GAB3: variants seen among roughly 807,000 people sequenced by gnomAD.
The protein encoded by GAB3 is GRB2 associated binding protein 3.
GAB3 carries 12 observed loss-of-function variants against 40.4 expected under a neutral mutation model. That is an observed-to-expected ratio of 0.30 (90% CI 0.19 to 0.48). The LOEUF (loss-of-function observed/expected upper bound fraction) is 0.48, where lower values mean the gene tolerates loss of function less well. Ranked by LOEUF, GAB3 falls within the 20% of genes least tolerant of loss-of-function variation. The pLI, the probability that GAB3 is intolerant of heterozygous loss-of-function variation, is 0.99. For missense variants in GAB3, 381 were observed against 461.9 expected (o/e 0.82, Z 1.61); for synonymous variants, 154 against 176.7 (o/e 0.87, Z 1.02).
intron 5 of GAB3, 80 bp downstream of exon 5, chrX:154,699,924 A>T: frequency 1.2e-6 from 1 of 819,626 alleles, no homozygotes; most frequent in Non-Finnish European, 1.8e-6. Context: ...GCTGAATCTT[A>T]AAGATTTCAA....
intron 8 of GAB3, among the ~76,000 whole-genome samples, chrX:154,694,702 C>G (rs180858635): frequency 1.8e-5 from 2 of 112,487 alleles, no homozygotes; most frequent in Non-Finnish European, 1.9e-5. Context: ...CAACACTGAT[C>G]TTTCTCACAA....
intron 1 of GAB3, among the ~76,000 whole-genome samples, chrX:154,732,830 C>T (rs1374548991): frequency 1.8e-5 from 2 of 110,952 alleles, no homozygotes; most frequent in Non-Finnish European, 3.8e-5. Context: ...AAAACCACCT[C>T]CGAGCCCCCG....
intron 1 of GAB3, among the ~76,000 whole-genome samples, chrX:154,717,416 T>C (rs782564340): frequency 1.8e-5 from 2 of 111,445 alleles, no homozygotes; most frequent in African/African-American, 3.3e-5. Context: ...CCTAAAGCTA[T>C]CAGTGCCCCT....
chrX:154,716,842 T>C (rs782061427), intron 1 of GAB3, among the ~76,000 whole-genome samples: 93 of 111,801 alleles, frequency 8.3e-4, no homozygotes, highest in Middle Eastern at 4.6e-3. Context: ...GGAGAGAAGA[T>C]TGCCAGTGTC....
chrX:154,708,702 C>G (rs1326541597), intron 4 of GAB3, among the ~76,000 whole-genome samples: 5 of 111,694 alleles, frequency 4.5e-5, no homozygotes, highest in Non-Finnish European at 7.5e-5. Context: ...TCAAAAAAGA[C>G]AAGAAATACA....
intron 8 of GAB3, among the ~76,000 whole-genome samples, chrX:154,689,215 G>A (rs1272567372): frequency 4.5e-5 from 5 of 111,015 alleles, no homozygotes; most frequent in Non-Finnish European, 1.9e-5. Flanking sequence ...AAATTCAACA[G>A]CCCTTCATGC....
At chrX:154,739,771 T>A in intron 1 of GAB3, among the ~76,000 whole-genome samples, 1 of 112,270 alleles carries the variant, frequency 8.9e-6, no homozygotes, top group Admixed American at 9.4e-5. Context: ...GCATTACCTA[T>A]TTGGTAGCAA....
At position 154,678,158 on chromosome X, in the gene GAB3, A is replaced by G; in HGVS notation, c.*20T>C. On this transcript the variant is annotated 3_prime_UTR_variant, in exon 10 of 10. Transcript: ENST00000424127. Reference sequence around the variant, plus strand: ...AGCCCCAAGCTTCCCTGTTTCACACATGGCACAAGCCCGCACCTCTCATAC... The same window carrying G: ...AGCCCCAAGCTTCCCTGTTTCACACGTGGCACAAGCCCGCACCTCTCATAC... The G allele has an allele frequency of 1.1e-6, 1 of 904,402 alleles. No individual in the cohort carries two copies. Among genetic ancestry groups the G allele is most frequent in the Non-Finnish European group, 1.6e-6 (1 of 638,817 alleles). 74.5% of individuals were successfully genotyped at this position (904,402 alleles called of 1,213,427 possible).
Position 154,695,908 on chromosome X carries a change from T to C in GAB3, c.1530+9A>G, listed in dbSNP as rs900194387. On this transcript the variant is annotated intron_variant, in intron 8 of 9. Transcript: ENST00000424127. ...AAGGATAAGAAGAGTGTGAAAAATATAAGATTACCATTTCGATGTAGCTTT... is the reference window on the plus strand; with the variant it reads ...AAGGATAAGAAGAGTGTGAAAAATACAAGATTACCATTTCGATGTAGCTTT... 5.5e-6 allele frequency: 6 copies of C among 1,094,373 alleles called. No individual in the cohort carries two copies. The highest frequency in any genetic ancestry group is 2.2e-5 in the Admixed American group (1 of 45,492). 90.2% of individuals were successfully genotyped at this position (1,094,373 alleles called of 1,213,427 possible).
chrX:154,721,734 T>C (rs1557258751), intron 1 of GAB3, among the ~76,000 whole-genome samples: 1 of 112,380 alleles, frequency 8.9e-6, no homozygotes, highest in African/African-American at 3.2e-5. Flanking sequence ...TTCATCAGAA[T>C]GGCAATTATC....
intron 4 of GAB3, among the ~76,000 whole-genome samples, chrX:154,708,163 A>G (rs1233008932): frequency 8.9e-6 from 1 of 111,990 alleles, no homozygotes; most frequent in Admixed American, 9.5e-5. Context: ...GGAAAACTGG[A>G]TATCCACACG....
At chrX:154,745,656 TA>T (rs372833913) in intron 1 of GAB3, among the ~76,000 whole-genome samples, 3 of 112,089 alleles carry the variant, frequency 2.7e-5, no homozygotes, top group African/African-American at 9.7e-5. Context: ...TTTCTGCCAA[TA>T]AATTCAAGAA....
rs782307239 is a variant in GAB3, at chrX:154,678,395, CCT to C, written c.1648-103_1648-102del. 36 of 510,661 alleles carry C rather than the reference CCT, an allele frequency of 7.0e-5. No individual in the cohort carries two copies. In the East Asian group the frequency reaches 1.2e-3, roughly 17 times the overall value. The allele number at this position is 510,661 out of a possible 1,213,427, so 42.1% of individuals were successfully genotyped here. A position where few individuals can be genotyped will look rare whatever the true frequency, so the allele number is the denominator to read the frequency against. ...AATTGTTAAATATTTGTTGCCCTTT[CCT>C]CTGTGTGGAAACTTTGTACTTTGTA... On this transcript the variant is annotated intron_variant, in intron 9 of 9. Coordinates refer to ENST00000424127, the MANE Select transcript of GAB3 (RefSeq NM_001081573.3).
At chrX:154,722,722 A>G (rs1407948096) in intron 1 of GAB3, among the ~76,000 whole-genome samples, 1 of 112,216 alleles carries the variant, frequency 8.9e-6, no homozygotes. Flanking sequence ...AAAAATGCAA[A>G]GAAGATATTT....
intron 1 of GAB3, among the ~76,000 whole-genome samples, chrX:154,722,917 C>T (rs368611147): frequency 5.2e-4 from 58 of 110,806 alleles, no homozygotes; most frequent in Non-Finnish European, 7.6e-5. Context: ...TTGCTCTTGT[C>T]GCCCAGGCTG....
intron 1 of GAB3, among the ~76,000 whole-genome samples, chrX:154,736,297 G>A (rs1475683401): frequency 2.7e-5 from 3 of 112,245 alleles, no homozygotes; most frequent in South Asian, 3.6e-4. Flanking sequence ...GATTAGGAGC[G>A]AATGAGAAAT....
chrX:154,677,731 C>T lies in GAB3; in HGVS notation c.*447G>A, dbSNP rs2070314664. The T allele has an allele frequency of 6.4e-6, 1 of 156,385 alleles. No homozygotes were observed. The highest frequency in any genetic ancestry group is 8.4e-5 in the Admixed American group (1 of 11,888). 12.9% of individuals were successfully genotyped at this position (156,385 alleles called of 1,213,427 possible). On this transcript the variant is annotated 3_prime_UTR_variant, in exon 10 of 10. Transcript: ENST00000424127. ...CTGCTGAAGTCTGTGGAGTAAGATT[C>T]TGCCACCATTGCTGGGCTTGATCTC...
chrX:154,702,434 C>A (rs983807473), intron 4 of GAB3, among the ~76,000 whole-genome samples: 16 of 111,946 alleles, frequency 1.4e-4, no homozygotes, highest in African/African-American at 4.2e-4. Context: ...AGGGAAAAAA[C>A]GCTAAGGCAT....
intron 1 of GAB3, among the ~76,000 whole-genome samples, chrX:154,735,313 G>A (rs2071349780): frequency 8.9e-6 from 1 of 112,131 alleles, no homozygotes; most frequent in African/African-American, 3.2e-5. Context: ...GGCAATCTCC[G>A]CACTCTCATG....
Sources: gnomAD v4.1 joint callset for allele counts (sites outside exome capture counted in the v4.1 genomes callset) on GRCh38, gnomAD v4.1.1 for gene constraint, MANE v1.5 for transcripts, NCBI Gene and HGNC (gene_info 2026-07-23, HGNC 2026-07-21) for gene names.